USP34: variants seen among roughly 807,000 people sequenced by gnomAD.
USP34 encodes the protein ubiquitin carboxyl-terminal hydrolase 34.
Under a neutral mutation model 460.3 loss-of-function variants are expected in USP34, and 70 were observed. The observed-to-expected ratio is 0.15, with a 90% CI of 0.13 to 0.19. The LOEUF (loss-of-function observed/expected upper bound fraction) is 0.19, where lower values mean the gene tolerates loss of function less well. Ranked by LOEUF, USP34 falls within the 10% of genes least tolerant of loss-of-function variation. The probability of loss-of-function intolerance (pLI) is 1.00; values close to 1 mark genes in which losing one functional copy is unlikely to be tolerated. For missense variants in USP34, 3,985 were observed against 4,236.2 expected, an observed-to-expected ratio of 0.94 and a Z score of 1.65; for synonymous variants, 1,647 against 1,405.3, an observed-to-expected ratio of 1.17 and a Z score of -3.85.
intron 74 of USP34, 45 bp downstream of exon 74, chr2:61,204,211 A>G (rs1266957816): frequency 6.2e-7 from 1 of 1,612,000 alleles, no homozygotes; most frequent in Non-Finnish European, 8.5e-7. Flanking sequence ...ATTTCAAATT[A>G]CTTTGTACTA....
intron 78 of USP34, 159 bp downstream of exon 78, chr2:61,190,112 G>T: frequency 1.2e-6 from 1 of 858,882 alleles, no homozygotes; most frequent in South Asian, 2.0e-5. Context: ...TACATACAAG[G>T]CATAGTAAAC....
At chr2:61,463,380 C>T (rs1222676991) in intron 1 of USP34, among the ~76,000 whole-genome samples, 1 of 152,126 alleles carries the variant, frequency 6.6e-6, no homozygotes, top group Non-Finnish European at 1.5e-5. Flanking sequence ...GATTCTTATT[C>T]AGCTATACTT....
At chr2:61,227,392 CTTAGA>C (rs1687757188) in intron 61 of USP34, among the ~76,000 whole-genome samples, 174 bp from the exon 62 acceptor site, 1 of 152,098 alleles carries the variant, frequency 6.6e-6, no homozygotes, top group Non-Finnish European at 1.5e-5. Flanking sequence ...TCAGGACAAT[CTTAGA>C]TTAAACTGCC....
At chr2:61,351,956 T>G (rs1047795606) in intron 10 of USP34, among the ~76,000 whole-genome samples, 1 of 152,202 alleles carries the variant, frequency 6.6e-6, no homozygotes. Context: ...AATTTAAATA[T>G]AGTATTAAAT....
intron 16 of USP34, among the ~76,000 whole-genome samples, chr2:61,341,608 G>A (rs1236823026): frequency 1.3e-5 from 2 of 151,682 alleles, no homozygotes. Context: ...TGAGACCCCT[G>A]CTCCCCCTTC....
At chr2:61,402,220 T>G (rs1693741793) in intron 3 of USP34, among the ~76,000 whole-genome samples, 1 of 152,086 alleles carries the variant, frequency 6.6e-6, no homozygotes, top group Non-Finnish European at 1.5e-5. Flanking sequence ...TTCAAGGTTA[T>G]GGTGACCAAT....
At chr2:61,317,828 A>G in intron 22 of USP34, 61 bp from the exon 23 acceptor site, 1 of 1,249,550 alleles carries the variant, frequency 8.0e-7, no homozygotes, top group South Asian at 1.4e-5. Flanking sequence ...AGATTTTATT[A>G]AATTTAAATA....
At chr2:61,247,496 A>G (rs371746214) in intron 49 of USP34, among the ~76,000 whole-genome samples, 32 of 152,334 alleles carry the variant, frequency 2.1e-4, no homozygotes, top group South Asian at 8.3e-4. Flanking sequence ...AATGAAGCAC[A>G]GCTGTGAGGA....
intron 14 of USP34, 63 bp downstream of exon 14, chr2:61,348,693 C>A: frequency 6.4e-7 from 1 of 1,553,426 alleles, no homozygotes; most frequent in South Asian, 1.2e-5. Flanking sequence ...ATACCCAATT[C>A]AAATGATAAA....
At chr2:61,424,106 A>G (rs1210932167) in intron 1 of USP34, among the ~76,000 whole-genome samples, 2 of 152,190 alleles carry the variant, frequency 1.3e-5, no homozygotes, top group Non-Finnish European at 2.9e-5. Context: ...CACAATTACC[A>G]TATGATCCAG....
At chr2:61,369,193 C>T (rs942855708) in intron 10 of USP34, among the ~76,000 whole-genome samples, 19 of 152,140 alleles carry the variant, frequency 1.2e-4, no homozygotes, top group Non-Finnish European at 7.4e-5. Context: ...GTGAAACTGC[C>T]GTACCAGTAT....
intron 2 of USP34, among the ~76,000 whole-genome samples, chr2:61,414,566 G>C (rs891404960): frequency 6.6e-6 from 1 of 152,246 alleles, no homozygotes; most frequent in Non-Finnish European, 1.5e-5. Flanking sequence ...GAAACTTGGA[G>C]ATCCAAGATA....
intron 19 of USP34, among the ~76,000 whole-genome samples, chr2:61,332,305 G>C (rs2103733253): frequency 6.6e-6 from 1 of 152,142 alleles, no homozygotes; most frequent in Middle Eastern, 3.4e-3. Flanking sequence ...ATAAATGACA[G>C]CTTTTGTTGT....
intron 1 of USP34, among the ~76,000 whole-genome samples, chr2:61,445,650 T>A (rs951107750): frequency 6.6e-6 from 1 of 150,864 alleles, no homozygotes. Flanking sequence ...TAACATAAAC[T>A]GTATAAAATA....
rs373603294 is a variant in USP34, at chr2:61,292,685, C to A, written c.4548+779G>T. On this transcript the variant is annotated intron_variant, in intron 33 of 79. Transcript: ENST00000398571. ...CAAAACAAAACAAAACAAAAAACCACAGGAACTAAGAAAATACTTGAATTC... is the reference window on the plus strand; with the variant it reads ...CAAAACAAAACAAAACAAAAAACCAAAGGAACTAAGAAAATACTTGAATTC... Among the ~76,000 whole-genome samples the A allele has an allele frequency of 4.5e-4, 68 of 152,200 alleles. No individual in the cohort carries two copies. In the Middle Eastern group the frequency reaches 0.024, roughly 53 times the overall value.
chr2:61,345,529 G>A (rs968450676), intron 15 of USP34, among the ~76,000 whole-genome samples: 2 of 152,164 alleles, frequency 1.3e-5, no homozygotes, highest in Non-Finnish European at 2.9e-5. Flanking sequence ...CACTCGTAAC[G>A]ACAATGATAA....
chr2:61,435,294 T>G (rs1283077825), intron 1 of USP34, among the ~76,000 whole-genome samples: 8 of 113,584 alleles, frequency 7.0e-5, no homozygotes, highest in African/African-American at 2.9e-4. Context: ...GGCAACAGAG[T>G]GAGACCTTGT....
chr2:61,393,470 T>C (rs1039584494), intron 5 of USP34, among the ~76,000 whole-genome samples: 1 of 150,958 alleles, frequency 6.6e-6, no homozygotes, highest in Non-Finnish European at 1.5e-5. Flanking sequence ...ACCTACATGC[T>C]ACACTACTAC....
At chr2:61,431,000 T>G (rs2103997348) in intron 1 of USP34, among the ~76,000 whole-genome samples, 1 of 151,836 alleles carries the variant, frequency 6.6e-6, no homozygotes, top group East Asian at 1.9e-4. Flanking sequence ...AGACCCCTAT[T>G]CTTTAAAAAA....
Sources: gnomAD v4.1 joint callset for allele counts (sites outside exome capture counted in the v4.1 genomes callset) on GRCh38, gnomAD v4.1.1 for gene constraint, MANE v1.5 for transcripts, NCBI Gene and HGNC (gene_info 2026-07-23, HGNC 2026-07-21) for gene names.